The following MYO9A variants were observed in gnomAD, a reference collection of about 807,000 sequenced individuals.
MYO9A encodes unconventional myosin-IXa.
Under a neutral mutation model 293.3 loss-of-function variants are expected in MYO9A, and 103 were observed. The observed-to-expected ratio is 0.35, with a 90% CI of 0.30 to 0.41. MYO9A has a LOEUF of 0.41. MYO9A is among the 10% of genes least tolerant of loss of function. The pLI, the probability that MYO9A is intolerant of heterozygous loss-of-function variation, is 1.00. For missense variants in MYO9A, 2,685 were observed against 3,033.0 expected, an observed-to-expected ratio of 0.89 and a Z score of 2.69; for synonymous variants, 1,001 against 1,035.7, an observed-to-expected ratio of 0.97 and a Z score of 0.64.
In MYO9A at chr15:72,083,374, T is replaced by G. The variant is rs886332161; in HGVS notation, c.-72+34306A>C. Among the ~76,000 whole-genome samples the G allele has an allele frequency of 3.9e-5, 6 of 152,188 alleles. No individual in the cohort carries two copies. In the East Asian group the frequency reaches 1.2e-3, roughly 29 times the overall value. ...AGGTCAGTGGTAATAGCCCTTTTGT[T>G]GTTTCTAATTGTGTTTATTTGGACC... is the stretch of plus-strand genomic sequence containing the variant. On this transcript the variant is annotated intron_variant, in intron 1 of 41. Transcript: ENST00000356056.
At chr15:72,024,113 C>CA (rs1223871336) in intron 4 of MYO9A, among the ~76,000 whole-genome samples, 4 of 152,004 alleles carry the variant, frequency 2.6e-5, no homozygotes, top group Non-Finnish European at 5.9e-5. Context: ...GCCAGATAAA[C>CA]AAAGTTGGAC....
intron 3 of MYO9A, 101 bp downstream of exon 3, chr15:72,032,393 A>G: frequency 1.4e-6 from 1 of 697,626 alleles, no homozygotes. Context: ...TTTAATGCTG[A>G]CACCAATGTC....
chr15:72,054,747 G>A (rs542871450), intron 1 of MYO9A, among the ~76,000 whole-genome samples: 112 of 148,610 alleles, frequency 7.5e-4, no homozygotes, highest in South Asian at 3.4e-3. Flanking sequence ...AGGGGGCTTG[G>A]GAACACAACT....
chr15:71,949,642 T>A (rs2059007114), intron 15 of MYO9A, among the ~76,000 whole-genome samples: 1 of 151,672 alleles, frequency 6.6e-6, no homozygotes, highest in Admixed American at 6.6e-5. Flanking sequence ...AAGGATTATC[T>A]CTTATTTGAT....
intron 2 of MYO9A, among the ~76,000 whole-genome samples, chr15:72,037,476 A>C (rs1298209020): frequency 6.6e-6 from 1 of 152,052 alleles, no homozygotes; most frequent in Non-Finnish European, 1.5e-5. Context: ...AGGAAGTAAA[A>C]GGTAAGGCAG....
intron 12 of MYO9A, among the ~76,000 whole-genome samples, chr15:71,973,553 T>C (rs1330273017): frequency 2.6e-5 from 4 of 152,110 alleles, no homozygotes; most frequent in Non-Finnish European, 4.4e-5. Context: ...ACAGCCAGCA[T>C]AGTGGACTGG....
At chr15:71,959,678 C>T (rs534133153) in intron 14 of MYO9A, 2 of 526,170 alleles carry the variant, frequency 3.8e-6, no homozygotes, top group Non-Finnish European at 6.8e-6. Flanking sequence ...GATGCTCTGA[C>T]TTTATCCTCA....
intron 2 of MYO9A, among the ~76,000 whole-genome samples, chr15:72,035,801 G>A (rs114774169): frequency 6.6e-6 from 1 of 151,958 alleles, no homozygotes; most frequent in African/African-American, 2.4e-5. Flanking sequence ...TGAAACCCGG[G>A]CCTCAAAAAA....
At chr15:71,850,778 A>AG in intron 37 of MYO9A, among the ~76,000 whole-genome samples, 1 of 136,714 alleles carries the variant, frequency 7.3e-6, no homozygotes, top group Non-Finnish European at 1.6e-5. Flanking sequence ...AAAAAAAAAA[A>AG]AAAAAAAAAA....
rs908131309 is a variant in MYO9A at position 71,826,846 on chromosome 15, G to C, written c.7381C>G (p.Arg2461Gly). Reference protein sequence around the residue: ...FQIYSKSPFYRAASGNEALGM... With the variant: ...FQIYSKSPFYGAASGNEALGM... ...AGGGCCTCATTACCTGAGGCAGCTC[G>C]GTAGAATGGAGATTTGGAATAAATC... is the stretch of plus-strand genomic sequence containing the variant. Residue 2461 changes from arginine (R) to glycine (G), a missense_variant, in exon 42 of 42, where the codon CGA (arginine) becomes GGA (glycine). Arg to Gly is a moderately radical substitution (Grantham distance 125, BLOSUM62 -2). Around this residue, in one of 10 missense-constraint regions of MYO9A, gnomAD observed 350 missense variants for 328.9 expected, o/e 1.06. Coordinates refer to ENST00000356056, the MANE Select transcript of MYO9A (RefSeq NM_006901.4). The C allele has an allele frequency of 3.1e-6, 5 of 1,614,020 alleles. No individual in the cohort carries two copies. The African/African-American group carries it at 5.3e-5, about 17-fold the overall frequency.
chr15:71,926,699 TGG>T (rs1412380946), intron 18 of MYO9A, among the ~76,000 whole-genome samples: 1 of 152,128 alleles, frequency 6.6e-6, no homozygotes, highest in African/African-American at 2.4e-5. Context: ...AGTGTGGCTG[TGG>T]GGAAAGCCGC....
chr15:71,933,016 T>TA lies in MYO9A; in HGVS notation c.2562+653dup, dbSNP rs201109157. On this transcript the variant is annotated intron_variant, in intron 18 of 41. Transcript: ENST00000356056. Reference sequence around the variant, plus strand: ...CAACCCCTGCAAAAAAATAAAAAAATAAAAAAAAACCAGAGCTATATTAAC... The same window carrying TA: ...CAACCCCTGCAAAAAAATAAAAAAATAAAAAAAAAACCAGAGCTATATTAAC... Among the ~76,000 whole-genome samples, 40 of 150,412 alleles carry TA rather than the reference T, an allele frequency of 2.7e-4. 1 individual carries two copies. The highest frequency in any genetic ancestry group is 7.1e-4 in the African/African-American group (29 of 40,924).
intron 1 of MYO9A, among the ~76,000 whole-genome samples, chr15:72,114,861 A>C (rs990522147): frequency 2.6e-5 from 4 of 152,148 alleles, no homozygotes; most frequent in Non-Finnish European, 5.9e-5. Flanking sequence ...ACCAAAAATC[A>C]CTCCAACTAA....
chr15:72,028,218 A>ATATATATATATAT (rs1555408278), intron 3 of MYO9A, among the ~76,000 whole-genome samples: 350 of 134,164 alleles, frequency 2.6e-3, no homozygotes, highest in Admixed American at 3.8e-3. Flanking sequence ...TAAATAAATA[A>ATATATATATATAT]ATATATATAT....
In MYO9A at chr15:71,898,997, G is replaced by A; in HGVS notation, c.3506C>T (p.Thr1169Ile). ...ATTCACCAATCCAACTTCTGGCTTT[G>A]TTTCTCTTAGCCTTTGTTCTTTTAA... ...KALKEQRLRE[T>I]KPEVGLVNIK... is the part of the protein sequence containing the mutation. The change falls in exon 25 of 42, where the codon ACA (threonine) becomes ATA (isoleucine). Residue 1169 changes from threonine (T) to isoleucine (I), a missense_variant. By Grantham distance (89) the Thr-to-Ile change is moderately conservative. Around this residue, in one of 10 missense-constraint regions of MYO9A, gnomAD observed 1,434 missense variants for 1,497.7 expected, o/e 0.96. Coordinates refer to ENST00000356056, the MANE Select transcript of MYO9A (RefSeq NM_006901.4). The A allele has an allele frequency of 6.2e-7, 1 of 1,612,160 alleles. No homozygotes were observed. Among genetic ancestry groups the A allele is most frequent in the Non-Finnish European group, 8.5e-7 (1 of 1,178,872 alleles).
chr15:72,045,626 C>T (rs1265404575), intron 2 of MYO9A, 98 bp downstream of exon 2: 13 of 1,309,248 alleles, frequency 9.9e-6, no homozygotes, highest in Admixed American at 5.2e-5. Flanking sequence ...CTCCACACAT[C>T]GACCTGGTAT....
chr15:71,935,903 T>TACACACACACAC (rs66924608), intron 16 of MYO9A, among the ~76,000 whole-genome samples: 16 of 148,106 alleles, frequency 1.1e-4, no homozygotes, highest in African/African-American at 3.5e-4. Flanking sequence ...AGGTCTTATT[T>TACACACACACAC]ACACACACAC....
chr15:71,898,491 C>G lies in MYO9A; in HGVS notation c.4012G>C (p.Glu1338Gln), dbSNP rs2057395277. 6.2e-7 allele frequency: 1 copy of G among 1,613,878 alleles called. No homozygotes were observed. The highest frequency in any genetic ancestry group is 1.3e-5 in the African/African-American group (1 of 74,896). Residue 1338 changes from glutamate (E) to glutamine (Q), a missense_variant, in exon 25 of 42, where the codon GAA (glutamate) becomes CAA (glutamine). Around this residue, in one of 10 missense-constraint regions of MYO9A, gnomAD observed 1,434 missense variants for 1,497.7 expected, o/e 0.96. Coordinates refer to ENST00000356056, the MANE Select transcript of MYO9A (RefSeq NM_006901.4). Reference protein sequence around the residue: ...QGSLELLSYEESQKSKLESVI... With the variant: ...QGSLELLSYEQSQKSKLESVI... ...GACTCTAGTTTGCTCTTTTGGCTTT[C>G]CTCATAGCTCAGAAGTTCCAAGCTT...
intron 32 of MYO9A, among the ~76,000 whole-genome samples, chr15:71,869,456 C>T (rs577032840): frequency 2.6e-5 from 4 of 152,084 alleles, no homozygotes; most frequent in Middle Eastern, 3.4e-3. Flanking sequence ...GCCAATGTCA[C>T]GGAAACTAAG....
Sources: allele counts gnomAD v4.1 joint callset (sites outside exome capture counted in the v4.1 genomes callset), GRCh38; gene constraint gnomAD v4.1.1; regional missense constraint gnomAD v4.1.1; transcripts MANE v1.5; gene names NCBI Gene and HGNC (gene_info 2026-07-23, HGNC 2026-07-21).